The following ZNF654 variants were observed in gnomAD, a reference collection of about 807,000 sequenced individuals.
The protein encoded by ZNF654 is zinc finger protein 654.
Under a neutral mutation model 95.3 loss-of-function variants are expected in ZNF654, and 19 were observed. The ratio of observed to expected loss-of-function variants is 0.20; its 90% CI spans 0.14 to 0.29. ZNF654 has a LOEUF of 0.29. Among genes scored for constraint, ZNF654 ranks in the 10% least tolerant of loss-of-function variants. The probability of loss-of-function intolerance (pLI) is 1.00; values close to 1 mark genes in which losing one functional copy is unlikely to be tolerated. For synonymous variants in ZNF654, 413 were observed against 457.9 expected (o/e 0.90, Z 1.25); for missense variants, 1,046 against 1,341.0 (o/e 0.78, Z 3.44).
chr3:88,136,266 A>G (rs1249369777), intron 7 of ZNF654, among the ~76,000 whole-genome samples: 1 of 152,196 alleles, frequency 6.6e-6, no homozygotes, highest in East Asian at 1.9e-4. Flanking sequence ...TTACAGTGTG[A>G]GGTTTTGCCA....
intron 1 of ZNF654, among the ~76,000 whole-genome samples, chr3:88,079,916 G>A (rs1414622365): frequency 2.6e-5 from 4 of 151,892 alleles, no homozygotes; most frequent in South Asian, 4.1e-4. Context: ...TTTCACACAA[G>A]TTTTAACTTA....
chr3:88,084,186 A>T (rs1708226306), intron 1 of ZNF654, among the ~76,000 whole-genome samples: 1 of 152,180 alleles, frequency 6.6e-6, no homozygotes, highest in African/African-American at 2.4e-5. Flanking sequence ...TTGGTAGCCA[A>T]ACCTGGATGA....
chr3:88,094,189 T>C (rs542926208), intron 2 of ZNF654, among the ~76,000 whole-genome samples: 3 of 152,180 alleles, frequency 2.0e-5, no homozygotes, highest in South Asian at 2.1e-4. Flanking sequence ...CCTATTACAC[T>C]AGAGTATTTT....
In ZNF654 at chr3:88,087,008, T is replaced by C. The variant is rs536852251; in HGVS notation, c.332+606T>C. On this transcript the variant is annotated intron_variant, in intron 2 of 8. Coordinates refer to ENST00000636215, the MANE Select transcript of ZNF654 (RefSeq NM_001350134.2). ...CATGTTAGCCAGGATGGTCTTGATC[T>C]CCTGACCTCGTGATCTGCCTACCTT... is the stretch of plus-strand genomic sequence containing the variant. Among the ~76,000 whole-genome samples, 10 of 152,282 alleles carry C rather than the reference T, an allele frequency of 6.6e-5. No individual in the cohort carries two copies. The East Asian group carries it at 1.9e-3, about 29-fold the overall frequency.
chr3:88,125,673 A>T (rs1007968389), intron 3 of ZNF654, among the ~76,000 whole-genome samples: 1 of 152,188 alleles, frequency 6.6e-6, no homozygotes, highest in Non-Finnish European at 1.5e-5. Flanking sequence ...GGATCAGGAC[A>T]GGAGACTTTT....
intron 2 of ZNF654, among the ~76,000 whole-genome samples, chr3:88,105,383 A>T (rs56185750): frequency 0.068 from 10,278 of 152,160 alleles, 472 homozygotes; most frequent in Non-Finnish European, 0.1. Flanking sequence ...TGTGAATTCT[A>T]TGAATTTTGT....
chr3:88,061,491 G>A (rs1258631707), intron 1 of ZNF654, among the ~76,000 whole-genome samples: 1 of 152,094 alleles, frequency 6.6e-6, no homozygotes, highest in Non-Finnish European at 1.5e-5. Context: ...CTGAAACATA[G>A]TTTATTACCT....
chr3:88,075,276 T>A (rs1707738546), intron 1 of ZNF654, among the ~76,000 whole-genome samples: 3 of 152,246 alleles, frequency 2.0e-5, no homozygotes. Context: ...TCAAGCATAG[T>A]CATTTCCTTG....
intron 6 of ZNF654, among the ~76,000 whole-genome samples, chr3:88,132,721 C>A (rs1197499939): frequency 6.6e-6 from 1 of 152,202 alleles, no homozygotes; most frequent in South Asian, 2.1e-4. Context: ...ATGCCAGACA[C>A]TTCACCTAGG....
In ZNF654 at chr3:88,140,931, G is replaced by C. The variant is rs537742883; in HGVS notation, c.3262G>C (p.Val1088Leu). The change falls in exon 8 of 9, where the codon GTG becomes CTG. Residue 1088 changes from valine to leucine, a missense_variant. Around this residue, in one of 9 missense-constraint regions of ZNF654, gnomAD observed 59 missense variants for 73.0 expected, o/e 0.81. Transcript: ENST00000636215. ...SDQDNVYKKS[V>L]KRLRCGKCLT... The stretch of plus-strand genomic sequence containing the variant: ...TCAAGATAACGTGTATAAAAAATCA[G>C]TGAAAAGATTAAGATGTGGCAAATG... The C allele has an allele frequency of 1.2e-6, 2 of 1,613,576 alleles. No individual in the cohort carries two copies. Among genetic ancestry groups the C allele is most frequent in the South Asian group, 2.2e-5 (2 of 91,076 alleles).
At chr3:88,114,517 C>T (rs1337313999) in intron 3 of ZNF654, among the ~76,000 whole-genome samples, 2 of 152,126 alleles carry the variant, frequency 1.3e-5, no homozygotes, top group Admixed American at 6.6e-5. Context: ...TTTTCTATCT[C>T]CTGCTCTGAT....
At chr3:88,116,012 G>T (rs1705366323) in intron 3 of ZNF654, among the ~76,000 whole-genome samples, 1 of 152,154 alleles carries the variant, frequency 6.6e-6, no homozygotes, top group Non-Finnish European at 1.5e-5. Context: ...GAGAGGAAAA[G>T]ATAATATAGA....
intron 2 of ZNF654, among the ~76,000 whole-genome samples, chr3:88,103,748 A>C (rs1704568969): frequency 6.7e-6 from 1 of 149,482 alleles, no homozygotes; most frequent in African/African-American, 2.5e-5. Flanking sequence ...TGATGAAAGA[A>C]AGAGATGTAT....
chr3:88,076,537 T>C (rs1175804085), intron 1 of ZNF654, among the ~76,000 whole-genome samples: 1 of 152,208 alleles, frequency 6.6e-6, no homozygotes, highest in Non-Finnish European at 1.5e-5. Context: ...TTTTCTTTAA[T>C]TTTTCCACTG....
chr3:88,139,478 T>C lies in ZNF654; in HGVS notation c.1809T>C (p.Ile603=), dbSNP rs770224926. ...TTAAGAAGATACAGAGGCAGCAAAT[T>C]GCTGCAGCTCAACAGGATGATCAGG... is the stretch of plus-strand genomic sequence containing the variant. ...NHVKKIQRQQ[I]AAAQQDDQEV... is the part of the protein sequence containing the mutation. Residue 603 remains isoleucine, a synonymous_variant, in exon 8 of 9, where the codon ATT becomes ATC. Transcript: ENST00000636215. The C allele has an allele frequency of 1.9e-6, 3 of 1,613,772 alleles. No homozygotes were observed. Among genetic ancestry groups the C allele is most frequent in the African/African-American group, 1.3e-5 (1 of 75,054 alleles).
chr3:88,127,038 C>T (rs537494191), intron 4 of ZNF654, among the ~76,000 whole-genome samples: 3 of 152,092 alleles, frequency 2.0e-5, no homozygotes, highest in African/African-American at 7.2e-5. Context: ...ATTCCTGAAC[C>T]CCAGAACATT....
intron 2 of ZNF654, among the ~76,000 whole-genome samples, chr3:88,094,051 C>G (rs1172367357): frequency 6.6e-6 from 1 of 151,772 alleles, no homozygotes; most frequent in African/African-American, 2.4e-5. Flanking sequence ...AGAGAAAAAT[C>G]TAGGTCGTCT....
At chr3:88,063,724 C>T (rs750859159) in intron 1 of ZNF654, among the ~76,000 whole-genome samples, 1 of 152,082 alleles carries the variant, frequency 6.6e-6, no homozygotes, top group East Asian at 1.9e-4. Flanking sequence ...TTAAGTGGTT[C>T]AAACAAGGTG....
intron 1 of ZNF654, among the ~76,000 whole-genome samples, chr3:88,068,912 A>G (rs766944087): frequency 1.3e-5 from 2 of 152,070 alleles, no homozygotes; most frequent in Admixed American, 6.5e-5. Flanking sequence ...AATACAATAC[A>G]TTGTATTGTA....
Sources: gnomAD v4.1 joint callset for allele counts (sites outside exome capture counted in the v4.1 genomes callset) on GRCh38, gnomAD v4.1.1 for gene constraint, gnomAD v4.1.1 regional missense constraint, MANE v1.5 for transcripts, NCBI Gene and HGNC (gene_info 2026-07-23, HGNC 2026-07-21) for gene names.